Variants in PDE4DIP observed in about 807,000 individuals in gnomAD.
PDE4DIP encodes myomegalin.
Under a neutral mutation model 221.4 loss-of-function variants are expected in PDE4DIP, and 59 were observed. That is an observed-to-expected ratio of 0.27 (90% CI 0.22 to 0.33). The LOEUF (loss-of-function observed/expected upper bound fraction) is 0.33. PDE4DIP is among the 10% of genes least tolerant of loss of function. The pLI, the probability that PDE4DIP is intolerant of heterozygous loss-of-function variation, is 1.00. For synonymous variants in PDE4DIP, 404 were observed against 815.9 expected, an observed-to-expected ratio of 0.50 and a Z score of 8.60; for missense variants, 1,036 against 2,154.2, an observed-to-expected ratio of 0.48 and a Z score of 10.28.
intron 1 of PDE4DIP, among the ~76,000 whole-genome samples, chr1:148,821,364 G>A (rs1669199012): frequency 6.7e-6 from 1 of 149,588 alleles, no homozygotes; most frequent in South Asian, 2.1e-4. Context: ...TTTCCAAAAG[G>A]TATATATGGA....
At chr1:148,954,746 A>G (rs1167017949) in intron 5 of PDE4DIP, among the ~76,000 whole-genome samples, 1 of 151,870 alleles carries the variant, frequency 6.6e-6, no homozygotes, top group Non-Finnish European at 1.5e-5. Context: ...TTTTAAATTC[A>G]ACTATGGTAG....
chr1:148,980,099 A>G (rs1232481392), intron 20 of PDE4DIP, among the ~76,000 whole-genome samples: 1 of 152,262 alleles, frequency 6.6e-6, no homozygotes, highest in Non-Finnish European at 1.5e-5. Flanking sequence ...TTAAATAAGA[A>G]GACAGCTTTT....
At chr1:148,892,496 A>G (rs1664014) in intron 1 of PDE4DIP, among the ~76,000 whole-genome samples, 1 of 121,242 alleles carries the variant, frequency 8.2e-6, no homozygotes, top group Non-Finnish European at 1.7e-5. Flanking sequence ...AACACAGCCT[A>G]TTGTCACATG....
chr1:148,918,626 C>CAG, intron 1 of PDE4DIP, among the ~76,000 whole-genome samples: 1 of 79,598 alleles, frequency 1.3e-5, no homozygotes, highest in Admixed American at 1.2e-4. Flanking sequence ...TCTCTCTACA[C>CAG]ACACACACAC....
exon 20 of PDE4DIP, chr1:148,979,776 C>G: frequency 2.5e-6 from 4 of 1,613,526 alleles, no homozygotes; most frequent in Non-Finnish European, 3.4e-6. Context: ...TGAACGGAGT[C>G]GGCTCAATGA....
chr1:149,031,554 T>G (rs2076733157), intron 43 of PDE4DIP, among the ~76,000 whole-genome samples: 1 of 150,572 alleles, frequency 6.6e-6, no homozygotes, highest in Non-Finnish European at 1.5e-5. Context: ...AAATGTCCTC[T>G]TCTTCCTACA....
intron 35 of PDE4DIP, 75 bp from the exon 39 acceptor site, chr1:149,020,072 G>T: frequency 5.8e-6 from 3 of 514,474 alleles, no homozygotes; most frequent in Non-Finnish European, 7.1e-6. Flanking sequence ...CTGTCAGGGT[G>T]GATGTGCTTG....
intron 10 of PDE4DIP, 90 bp from the exon 14 acceptor site, chr1:148,966,452 TG>T: frequency 1.7e-6 from 1 of 589,736 alleles, no homozygotes; most frequent in Non-Finnish European, 3.0e-6. Context: ...GATCACATCT[TG>T]TTTTTTTTTT....
intron 1 of PDE4DIP, among the ~76,000 whole-genome samples, chr1:148,838,588 A>G (rs1674176929): frequency 1.0e-5 from 1 of 100,382 alleles, no homozygotes; most frequent in Admixed American, 1.0e-4. Flanking sequence ...TGAACCCAGC[A>G]AGTCCTGCCT....
At chr1:148,929,770 C>T (rs1573616242) in intron 2 of PDE4DIP, 1 of 153,742 alleles carries the variant, frequency 6.5e-6, no homozygotes, top group East Asian at 1.9e-4. Flanking sequence ...GAATCTGTTT[C>T]TTATAAATAA....
intron 1 of PDE4DIP, among the ~76,000 whole-genome samples, chr1:148,848,175 A>G (rs1677767550): frequency 1.9e-3 from 1 of 522 alleles, no homozygotes; most frequent in Admixed American, 0.018. Flanking sequence ...TTGTAACAAT[A>G]CTTAACTTTA....
chr1:148,902,739 T>C (rs1253873246), intron 1 of PDE4DIP, among the ~76,000 whole-genome samples: 1 of 95,862 alleles, frequency 1.0e-5, no homozygotes, highest in East Asian at 5.4e-4. Context: ...TATATATATA[T>C]ATATCCATCA....
chr1:148,956,398 T>C (rs1312103823), intron 5 of PDE4DIP, among the ~76,000 whole-genome samples: 1 of 152,140 alleles, frequency 6.6e-6, no homozygotes, highest in Non-Finnish European at 1.5e-5. Context: ...TCCGTCTTTT[T>C]CTTTGTTCCT....
chr1:148,999,214 CA>C (rs1231587788), intron 23 of PDE4DIP: 1 of 148,090 alleles, frequency 6.8e-6, no homozygotes, highest in East Asian at 2.0e-4. Flanking sequence ...GGCTTTTTGT[CA>C]AAAGCTCCTT....
intron 43 of PDE4DIP, among the ~76,000 whole-genome samples, chr1:149,031,528 A>G (rs2076723541): frequency 6.6e-6 from 1 of 151,740 alleles, no homozygotes; most frequent in African/African-American, 2.4e-5. Context: ...TAAACTTAAC[A>G]GAGGGCTTCC....
chr1:148,949,246 A>G (rs1433440841), intron 5 of PDE4DIP, among the ~76,000 whole-genome samples: 1 of 151,518 alleles, frequency 6.6e-6, no homozygotes, highest in Non-Finnish European at 1.5e-5. Flanking sequence ...ATTATAGAAA[A>G]TAAGGAAAAA....
At chr1:148,938,643 A>G (rs1573848483) in intron 5 of PDE4DIP, among the ~76,000 whole-genome samples, 2 of 152,380 alleles carry the variant, frequency 1.3e-5, no homozygotes, top group African/African-American at 4.8e-5. Context: ...ACAGTTATTG[A>G]TCATCTATGA....
At chr1:148,927,282 G>A (rs1383041627) in intron 1 of PDE4DIP, among the ~76,000 whole-genome samples, 1 of 151,930 alleles carries the variant, frequency 6.6e-6, no homozygotes, top group Non-Finnish European at 1.5e-5. Flanking sequence ...CTGAATCTAT[G>A]TTCTAACCTT....
intron 2 of PDE4DIP, among the ~76,000 whole-genome samples, 197 bp downstream of exon 2, chr1:148,863,502 A>G (rs1440116490): frequency 3.5e-5 from 3 of 85,724 alleles, no homozygotes; most frequent in Non-Finnish European, 6.8e-5. Context: ...GACTATAGAC[A>G]TATGCCTAAT....
Sources: gnomAD v4.1 joint callset for allele counts (sites outside exome capture counted in the v4.1 genomes callset) on GRCh38, gnomAD v4.1.1 for gene constraint, MANE v1.5 for transcripts, NCBI Gene and HGNC (gene_info 2026-07-23, HGNC 2026-07-21) for gene names.